The following PPM1F variants were observed in gnomAD, a reference collection of about 807,000 sequenced individuals.
PPM1F encodes protein phosphatase 1F.
Under a neutral mutation model 35.5 loss-of-function variants are expected in PPM1F, and 17 were observed. That is an observed-to-expected ratio of 0.48 (90% CI 0.33 to 0.72). The LOEUF is 0.72. PPM1F is among the 30% of genes least tolerant of loss of function. The pLI is 0.02. For synonymous variants in PPM1F, 241 were observed against 255.5 expected (o/e 0.94, Z 0.54); for missense variants, 521 against 613.0 (o/e 0.85, Z 1.59).
chr22:21,927,233 C>G (rs2070526916), intron 6 of PPM1F, among the ~76,000 whole-genome samples: 1 of 152,196 alleles, frequency 6.6e-6, no homozygotes, highest in African/African-American at 2.4e-5. Context: ...AAGAAGAGGG[C>G]AGGAGAAAGG....
At chr22:21,933,183 G>A (rs1175059659) in intron 5 of PPM1F, among the ~76,000 whole-genome samples, 2 of 152,226 alleles carry the variant, frequency 1.3e-5, no homozygotes, top group Non-Finnish European at 2.9e-5. Context: ...GTGTGGCTGA[G>A]AGGCCCACCA....
intron 3 of PPM1F, chr22:21,937,994 G>T: frequency 1.1e-6 from 1 of 919,438 alleles, no homozygotes; most frequent in Non-Finnish European, 1.4e-6. Flanking sequence ...AGAATGGCTT[G>T]GAGTCCAAAA....
intron 2 of PPM1F, chr22:21,941,276 C>G (rs1339413707): frequency 1.3e-5 from 2 of 152,338 alleles, no homozygotes; most frequent in African/African-American, 4.8e-5. Context: ...CCTCTCTGAC[C>G]CTGGTGTGGA....
rs549205418 is a variant in PPM1F at position 21,925,649 on chromosome 22, C to T, written c.905G>A (p.Arg302His). 12 of 1,589,038 alleles carry T rather than the reference C, an allele frequency of 7.6e-6. No homozygotes were observed. Among genetic ancestry groups the T allele is most frequent in the East Asian group, 4.5e-5 (2 of 44,314 alleles). ...CACAAAGCCACCCAATGCTTCAATG[C>T]GCGCCTTCTCATCCTGCAGAAACAC... ...HRPERQDEKA[R>H]IEALGGFVSH... is the part of the protein sequence containing the mutation. Residue 302 changes from arginine (R) to histidine (H), a missense_variant, in exon 7 of 8, where the codon CGC becomes CAC. Arg to His is a conservative substitution (Grantham distance 29). This residue lies in a region of PPM1F where 47 missense variants were observed against 92.0 expected (regional missense o/e 0.51). Transcript: ENST00000263212.
In PPM1F at chr22:21,934,072, C is replaced by G; in HGVS notation, c.510G>C (p.Glu170Asp). 1 of 1,564,986 alleles carries G rather than the reference C, an allele frequency of 6.4e-7. No homozygotes were observed. ...HAIRNTRRKM[E>D]DRHVSLPSFN... ...AGGAAGGGAGGGACACGTGCCGGTC[C>G]TCCATCTTGCGGCGAGTGTTCCGGA... The change falls in exon 4 of 8, where the codon GAG becomes GAC. Residue 170 changes from glutamate to aspartate, a missense_variant. This residue lies in a region of PPM1F where 311 missense variants were observed against 351.5 expected (regional missense o/e 0.88). Coordinates refer to ENST00000263212, the MANE Select transcript of PPM1F (RefSeq NM_014634.4).
intron 1 of PPM1F, chr22:21,951,777 T>C (rs1223969589): frequency 6.6e-6 from 1 of 152,220 alleles, no homozygotes; most frequent in African/African-American, 2.4e-5. Flanking sequence ...ACACTGCAGA[T>C]GAAGAAATAG....
intron 7 of PPM1F, among the ~76,000 whole-genome samples, chr22:21,923,976 C>T (rs1215224180): frequency 6.6e-6 from 1 of 151,946 alleles, no homozygotes; most frequent in Non-Finnish European, 1.5e-5. Flanking sequence ...GCATGAGCCA[C>T]CACACCAGGC....
intron 1 of PPM1F, chr22:21,948,464 T>A (rs548650684): frequency 6.6e-6 from 1 of 152,338 alleles, no homozygotes; most frequent in African/African-American, 2.4e-5. Context: ...AGTAGGTCAA[T>A]GAGGAGGCGG....
At chr22:21,938,752 T>C (rs528610153) in intron 3 of PPM1F, 3 of 223,628 alleles carry the variant, frequency 1.3e-5, no homozygotes, top group Admixed American at 1.3e-4. Flanking sequence ...CCTGCGATTC[T>C]TACGCCCTGT....
chr22:21,938,251 C>CG, intron 3 of PPM1F: 2 of 1,299,342 alleles, frequency 1.5e-6, no homozygotes, highest in Non-Finnish European at 1.0e-6. Flanking sequence ...ACCCATCAGG[C>CG]GGGGAGGGCC....
chr22:21,925,551 G>C lies in PPM1F; in HGVS notation c.985+18C>G. 1 of 1,612,068 alleles carries C rather than the reference G, an allele frequency of 6.2e-7. No homozygotes were observed. Among genetic ancestry groups the C allele is most frequent in the South Asian group, 1.1e-5 (1 of 90,976 alleles). ...CGAGAGACCTTCTCCCACTTGGGTCGGCCTCTTTGGCTCTCACCGATGGCT... is the reference window on the plus strand; with the variant it reads ...CGAGAGACCTTCTCCCACTTGGGTCCGCCTCTTTGGCTCTCACCGATGGCT... On this transcript the variant is annotated intron_variant, in intron 7 of 7. Transcript: ENST00000263212.
rs3206788 is a variant in PPM1F, at chr22:21,919,508, G to A, written c.*3584C>T. The A allele has an allele frequency of 6.5e-6, 1 of 152,746 alleles. No homozygotes were observed. Among genetic ancestry groups the A allele is most frequent in the South Asian group, 2.1e-4 (1 of 4,826 alleles). The allele number at this position is 152,746 out of a possible 1,614,324, so 9.5% of individuals were successfully genotyped here. On this transcript the variant is annotated 3_prime_UTR_variant, in exon 8 of 8. Transcript: ENST00000263212. ...CTGGCATCTTGGGACTTGTCCCTAAGAATAGGGAAGACAGTCATCCTGTCC... is the reference window on the plus strand; with the variant it reads ...CTGGCATCTTGGGACTTGTCCCTAAAAATAGGGAAGACAGTCATCCTGTCC...
intron 3 of PPM1F, chr22:21,937,710 G>A (rs2070675507): frequency 6.2e-6 from 1 of 161,364 alleles, no homozygotes; most frequent in South Asian, 1.3e-4. Context: ...TCCGGCCGCC[G>A]CTGTGGCTCA....
At chr22:21,943,812 A>C (rs1173021104) in intron 2 of PPM1F, 2 of 152,266 alleles carry the variant, frequency 1.3e-5, no homozygotes, top group African/African-American at 4.8e-5. Flanking sequence ...TGCCCCACGC[A>C]GGCCCAGCAA....
At chr22:21,943,272 G>C (rs1326415402) in intron 2 of PPM1F, 10 of 152,180 alleles carry the variant, frequency 6.6e-5, no homozygotes, top group Admixed American at 6.5e-4. Context: ...GCGTGTGTGT[G>C]GACAGCCAGG....
At chr22:21,923,534 A>G (rs934036180) in intron 7 of PPM1F, 63 bp from the exon 8 acceptor site, 1 of 1,524,914 alleles carries the variant, frequency 6.6e-7, no homozygotes, top group African/African-American at 1.4e-5. Flanking sequence ...CTCCCCACCT[A>G]CCCAGGCCTA....
At chr22:21,931,100 T>C (rs755117878) in intron 6 of PPM1F, 48 bp downstream of exon 6, 21 of 1,606,896 alleles carry the variant, frequency 1.3e-5, no homozygotes, top group Non-Finnish European at 1.6e-5. Flanking sequence ...GGGCCCAGCA[T>C]GATGGAGGCC....
chr22:21,927,942 G>GTTTTTTTTTTTTTTTTTTTTTTT (rs60216371), intron 6 of PPM1F, among the ~76,000 whole-genome samples: 8 of 75,126 alleles, frequency 1.1e-4, no homozygotes, highest in East Asian at 5.5e-4. Flanking sequence ...TTTTTGTTTT[G>GTTTTTTTTTTTTTTTTTTTTTTT]TTTTTTTTTT....
intron 7 of PPM1F, 166 bp downstream of exon 7, chr22:21,925,403 T>C (rs1798343195): frequency 1.7e-6 from 1 of 590,420 alleles, no homozygotes. Context: ...AGTCTCTGAA[T>C]CTGCCCTGTT....
Sources: allele counts gnomAD v4.1 joint callset (sites outside exome capture counted in the v4.1 genomes callset), GRCh38; gene constraint gnomAD v4.1.1; regional missense constraint gnomAD v4.1.1; transcripts MANE v1.5; gene names NCBI Gene and HGNC (gene_info 2026-07-23, HGNC 2026-07-21).